Variants in GTF2E1 observed in about 807,000 individuals in gnomAD.
GTF2E1 encodes TFIIE alpha subunit.
In GTF2E1, 14 loss-of-function variants were observed where a neutral mutation model predicts 34.9. The observed-to-expected ratio is 0.40, with a 90% CI of 0.27 to 0.63. The LOEUF is 0.63. GTF2E1 is among the 20% of genes least tolerant of loss of function. GTF2E1 has a pLI of 0.39. For synonymous variants in GTF2E1, 188 were observed against 192.9 expected (o/e 0.97, Z 0.21); for missense variants, 469 against 557.7 (o/e 0.84, Z 1.60).
intron 2 of GTF2E1, among the ~76,000 whole-genome samples, chr3:120,768,388 C>T (rs950674890): frequency 5.3e-5 from 8 of 152,032 alleles, no homozygotes; most frequent in Non-Finnish European, 7.4e-5. Flanking sequence ...TTGAGGAGGC[C>T]GGTTTGTGAT....
intron 1 of GTF2E1, among the ~76,000 whole-genome samples, chr3:120,743,293 G>A (rs1264781813): frequency 2.0e-5 from 3 of 152,178 alleles, no homozygotes; most frequent in African/African-American, 7.2e-5. Flanking sequence ...CCACTCTGCA[G>A]TCAGTACAAT....
rs563208578 is a variant in GTF2E1, at chr3:120,772,576, A to T, written c.650+1647A>T. Among the ~76,000 whole-genome samples, 7 of 152,304 alleles carry T rather than the reference A, an allele frequency of 4.6e-5. No homozygotes were observed. In the South Asian group the frequency reaches 1.4e-3, roughly 32 times the overall value. On this transcript the variant is annotated intron_variant, in intron 3 of 4. Coordinates refer to ENST00000283875, the MANE Select transcript of GTF2E1 (RefSeq NM_005513.3). ...TCCTTTTAAGTTATATTGTAGCTCT[A>T]ACATACAAGCTTATGAGGGAAATTG...
chr3:120,753,723 A>G (rs1709186129), intron 2 of GTF2E1, among the ~76,000 whole-genome samples: 2 of 152,218 alleles, frequency 1.3e-5, no homozygotes. Context: ...TAATTCACAC[A>G]TAAGCCACCG....
intron 1 of GTF2E1, among the ~76,000 whole-genome samples, chr3:120,745,810 G>C (rs1470668649): frequency 1.3e-5 from 2 of 152,156 alleles, no homozygotes; most frequent in Non-Finnish European, 2.9e-5. Context: ...ACAATGTATA[G>C]ACCAAACCGA....
chr3:120,748,337 C>G lies in GTF2E1; in HGVS notation c.-30-2186C>G, dbSNP rs561959396. On this transcript the variant is annotated intron_variant, in intron 1 of 4. Transcript: ENST00000283875. ...TGAAGTCCTTGCCCATGCCTATGTC[C>G]TGAATGGTAATGCCTAGGTTTTCTT... Among the ~76,000 whole-genome samples the G allele has an allele frequency of 7.2e-3, 1,100 of 152,134 alleles. 8 individuals carry two copies. The highest frequency in any genetic ancestry group is 0.012 in the Non-Finnish European group (838 of 67,984).
At chr3:120,743,278 T>C (rs1043631799) in intron 1 of GTF2E1, among the ~76,000 whole-genome samples, 7 of 152,222 alleles carry the variant, frequency 4.6e-5, no homozygotes, top group Admixed American at 4.6e-4. Flanking sequence ...TTCTTGTTTT[T>C]TTCTCCACTC....
At chr3:120,746,590 G>A (rs1709107225) in intron 1 of GTF2E1, among the ~76,000 whole-genome samples, 1 of 152,002 alleles carries the variant, frequency 6.6e-6, no homozygotes, top group African/African-American at 2.4e-5. Context: ...CTTGAGCCCA[G>A]AAGTTCGAGA....
chr3:120,747,354 G>A (rs923290351), intron 1 of GTF2E1, among the ~76,000 whole-genome samples: 3 of 151,862 alleles, frequency 2.0e-5, no homozygotes, highest in East Asian at 3.9e-4. Context: ...CCATTAACTC[G>A]TAATTTAACA....
intron 2 of GTF2E1, 170 bp downstream of exon 2, chr3:120,751,170 C>A: frequency 1.8e-6 from 1 of 546,924 alleles, no homozygotes. Context: ...TGTCGCACTA[C>A]TTTGAGAAGC....
At chr3:120,767,353 A>G (rs376602133) in intron 2 of GTF2E1, among the ~76,000 whole-genome samples, 9 of 152,330 alleles carry the variant, frequency 5.9e-5, no homozygotes, top group African/African-American at 2.2e-4. Context: ...TCCAGTATAA[A>G]AAGTGTCTCC....
At chr3:120,771,060 A>G (rs1709346752) in intron 3 of GTF2E1, 131 bp downstream of exon 3, 1 of 754,444 alleles carries the variant, frequency 1.3e-6, no homozygotes, top group Admixed American at 2.1e-5. Context: ...GTAGGTTCTC[A>G]GTTGTGCCAC....
intron 3 of GTF2E1, among the ~76,000 whole-genome samples, chr3:120,773,799 A>G (rs1025757075): frequency 6.6e-6 from 1 of 152,192 alleles, no homozygotes; most frequent in Non-Finnish European, 1.5e-5. Context: ...AATTGTTCCA[A>G]ATTTTAAAAT....
chr3:120,755,255 C>A (rs990067717), intron 2 of GTF2E1, among the ~76,000 whole-genome samples: 1 of 152,094 alleles, frequency 6.6e-6, no homozygotes, highest in Non-Finnish European at 1.5e-5. Flanking sequence ...TCATATGAGT[C>A]CCTTCTTGGC....
rs1039560384 is a variant in GTF2E1, at chr3:120,774,671, C to G, written c.651-1752C>G. The stretch of plus-strand genomic sequence containing the variant: ...AAAATAGATGGATTGGATATATTTA[C>G]AGAGAGATGCCTCATAGGTCTAGAC... On this transcript the variant is annotated intron_variant, in intron 3 of 4. Coordinates refer to ENST00000283875, the MANE Select transcript of GTF2E1 (RefSeq NM_005513.3). Among the ~76,000 whole-genome samples the G allele has an allele frequency of 2.7e-5, 4 of 149,194 alleles. No individual in the cohort carries two copies. The East Asian group carries it at 7.9e-4, about 29-fold the overall frequency.
intron 2 of GTF2E1, among the ~76,000 whole-genome samples, chr3:120,769,048 T>C (rs1006061873): frequency 6.6e-6 from 1 of 152,182 alleles, no homozygotes; most frequent in African/African-American, 2.4e-5. Context: ...ATCTACTATA[T>C]GGCTTCAGTT....
intron 1 of GTF2E1, among the ~76,000 whole-genome samples, chr3:120,748,972 TTG>T (rs1709137952): frequency 6.6e-6 from 1 of 152,242 alleles, no homozygotes; most frequent in African/African-American, 2.4e-5. Flanking sequence ...TTCACATCCC[TTG>T]TAAGTTGGAT....
At chr3:120,773,780 T>G (rs1364420497) in intron 3 of GTF2E1, among the ~76,000 whole-genome samples, 2 of 152,200 alleles carry the variant, frequency 1.3e-5, no homozygotes, top group Non-Finnish European at 2.9e-5. Context: ...TTTTGTCATC[T>G]TCAATTAAAA....
intron 1 of GTF2E1, among the ~76,000 whole-genome samples, chr3:120,748,843 G>A (rs910307578): frequency 1.6e-4 from 25 of 152,148 alleles, no homozygotes; most frequent in South Asian, 4.1e-4. Flanking sequence ...ACCTTGGGCA[G>A]TATGGCCATT....
At chr3:120,753,138 A>G (rs750564638) in intron 2 of GTF2E1, among the ~76,000 whole-genome samples, 4 of 151,400 alleles carry the variant, frequency 2.6e-5, no homozygotes, top group Non-Finnish European at 5.9e-5. Flanking sequence ...TTTTTAAACT[A>G]TTAATACCCA....
Sources: allele counts gnomAD v4.1 joint callset (sites outside exome capture counted in the v4.1 genomes callset), GRCh38; gene constraint gnomAD v4.1.1; transcripts MANE v1.5; gene names NCBI Gene and HGNC (gene_info 2026-07-23, HGNC 2026-07-21).